KIFC2: variants seen among roughly 807,000 people sequenced by gnomAD.
KIFC2 encodes the protein kinesin family member C2, also known as kinesin-like protein KIFC2.
KIFC2 carries 94 observed loss-of-function variants against 91.5 expected under a neutral mutation model. The ratio of observed to expected loss-of-function variants is 1.03; its 90% CI spans 0.87 to 1.22. The LOEUF is 1.22. Among genes scored for constraint, KIFC2 ranks in the 50% most tolerant of loss-of-function variants. KIFC2 has a pLI of 0.00. For synonymous variants in KIFC2, 729 were observed against 503.9 expected (o/e 1.45, Z -5.98); for missense variants, 1,357 against 1,103.3 (o/e 1.23, Z -3.26).
chr8:144,468,391 AG>A lies in KIFC2; in HGVS notation c.874del (p.Ala292ProfsTer74). 1.2e-6 allele frequency: 2 copies of A among 1,612,754 alleles called. No individual in the cohort carries two copies. The highest frequency in any genetic ancestry group is 1.7e-6 in the Non-Finnish European group (2 of 1,179,828). ...TTCAGGAGGCCCAAGACACCACAGA[AG>A]CCCTCCGAGCCCAGGTGGGCATGGG... Reference protein sequence around the residue: ...RLQEAQDTTEALRAQLGVQEV... With the variant: ...RLQEAQDTTEXLRAQLGVQEV... On this transcript the variant is annotated frameshift_variant, in exon 8 of 18. Coordinates refer to ENST00000645548, the MANE Select transcript of KIFC2 (RefSeq NM_001369769.2). LOFTEE classifies it high-confidence loss of function.
Position 144,472,976 on chromosome 8 carries a change from C to G in KIFC2, c.2043C>G (p.Pro681=). The G allele has an allele frequency of 2.1e-6, 3 of 1,456,798 alleles. No individual in the cohort carries two copies. The highest frequency in any genetic ancestry group is 9.0e-7 in the Non-Finnish European group (1 of 1,112,342). 90.2% of individuals were successfully genotyped at this position (1,456,798 alleles called of 1,614,324 possible). The change falls in exon 17 of 18, where the codon CCC becomes CCG. Residue 681 remains proline (P), a synonymous_variant. Transcript: ENST00000645548. Reference sequence around the variant, plus strand: ...TGCGGGCCCACCGGCCGCACGTGCCCTTCCGCGACTCGCAGCTCACGCGAC... The same window carrying G: ...TGCGGGCCCACCGGCCGCACGTGCCGTTCCGCGACTCGCAGCTCACGCGAC... ...AALRAHRPHV[P]FRDSQLTRLL...
Position 144,473,022 on chromosome 8 carries a change from C to A in KIFC2, c.2089C>A (p.Pro697Thr). The A allele has an allele frequency of 7.1e-7, 1 of 1,417,040 alleles. No homozygotes were observed. The allele number at this position is 1,417,040 out of a possible 1,614,324, so 87.8% of individuals were successfully genotyped here. The change falls in exon 17 of 18, where the codon CCA becomes ACA. Residue 697 changes from proline (P) to threonine (T), a missense_variant. Physicochemically the swap from Pro to Thr is conservative, Grantham distance 38. Transcript: ENST00000645548. ...LTRLLQPALGPGTTAVLLLQI... is the reference protein window; with the variant it reads ...LTRLLQPALGTGTTAVLLLQI... ...GCGACTGCTGCAGCCGGCGCTGGGC[C>A]CAGGCACCACCGCGGTGCTGCTGCT...
Position 144,472,434 on chromosome 8 carries a change from GTGGC to G in KIFC2, c.1686_1689del (p.Gly563SerfsTer16). 6.2e-7 allele frequency: 1 copy of G among 1,612,750 alleles called. No individual in the cohort carries two copies. Among genetic ancestry groups the G allele is most frequent in the Non-Finnish European group, 8.5e-7 (1 of 1,179,796 alleles). On this transcript the variant is annotated frameshift_variant, in exon 15 of 18. Transcript: ENST00000645548. LOFTEE classifies it high-confidence loss of function. The stretch of plus-strand genomic sequence containing the variant: ...CCCAGAAGGCCAGGGCGGGATCCAG[GTGGC>G]TGGCCTCACCCACTGGGACGTGCCC...
chr8:144,472,417 G>A lies in KIFC2; in HGVS notation c.1664G>A (p.Gly555Asp), dbSNP rs774034048. 19 of 1,612,832 alleles carry A rather than the reference G, an allele frequency of 1.2e-5. No homozygotes were observed. The highest frequency in any genetic ancestry group is 1.5e-5 in the Non-Finnish European group (18 of 1,179,862). ...ERLAVRQGPE[G>D]QGGIQVAGLT... ...CTGGCCGTGAGGCAGGGCCCAGAAG[G>A]CCAGGGCGGGATCCAGGTGGCTGGC... Residue 555 changes from glycine to aspartate, a missense_variant, in exon 15 of 18, where the codon GGC (glycine) becomes GAC (aspartate). Gly to Asp is a moderately conservative substitution (Grantham distance 94). Transcript: ENST00000645548.
At chr8:144,466,302 G>A (rs1259711084), upstream of KIFC2, 1 of 247,146 alleles carries the variant, frequency 4.0e-6, no homozygotes, top group Non-Finnish European at 7.3e-6. Flanking sequence ...CGTGGGAGCC[G>A]GGCCGTGGGG....
At position 144,472,899 on chromosome 8, in the gene KIFC2, G is replaced by T; in HGVS notation, c.1966G>T (p.Ala656Ser). Residue 656 changes from alanine (A) to serine (S), a missense_variant, in exon 17 of 18, where the codon GCC (alanine) becomes TCC (serine). Transcript: ENST00000645548. The stretch of plus-strand genomic sequence containing the variant: ...AGACGGCGCCCGGCGCCTGCGGGAG[G>T]CCCAGACCATAAACCGCTCGCTGCT... The part of the protein sequence containing the change: ...DPDGARRLRE[A>S]QTINRSLLAL... 1 of 1,518,712 alleles carries T rather than the reference G, an allele frequency of 6.6e-7. No homozygotes were observed. Among genetic ancestry groups the T allele is most frequent in the Non-Finnish European group, 8.7e-7 (1 of 1,147,466 alleles). 94.1% of individuals were successfully genotyped at this position (1,518,712 alleles called of 1,614,324 possible).
intron 12 of KIFC2, chr8:144,470,616 T>C (rs1824887121): frequency 6.6e-6 from 1 of 152,298 alleles, no homozygotes; most frequent in Non-Finnish European, 1.5e-5. Context: ...GCAGCGACCT[T>C]CTGGGCATAA....
At chr8:144,470,141 ATG>A (rs1172315187) in intron 12 of KIFC2, among the ~76,000 whole-genome samples, 1 of 152,112 alleles carries the variant, frequency 6.6e-6, no homozygotes, top group African/African-American at 2.4e-5. Flanking sequence ...AGCTAAGGAG[ATG>A]GCAGCTCAGA....
In KIFC2 at chr8:144,472,726, A is replaced by C. The variant is rs751165148; in HGVS notation, c.1861+20A>C. On this transcript the variant is annotated intron_variant, in intron 16 of 17. Coordinates refer to ENST00000645548, the MANE Select transcript of KIFC2 (RefSeq NM_001369769.2). ...CCGCAGGTACCACGGCCGGTGCCTG[A>C]GCCCTGCGGAGTCTCCAGAGCACCC... 6.3e-7 allele frequency: 1 copy of C among 1,592,180 alleles called. No homozygotes were observed. The highest frequency in any genetic ancestry group is 1.7e-5 in the Admixed American group (1 of 59,314).
chr8:144,467,698 T>C lies in KIFC2; in HGVS notation c.616-16T>C, dbSNP rs1224119883. The C allele has an allele frequency of 6.2e-7, 1 of 1,613,354 alleles. No homozygotes were observed. Among genetic ancestry groups the C allele is most frequent in the Non-Finnish European group, 8.5e-7 (1 of 1,179,818 alleles). On this transcript the variant is annotated splice_polypyrimidine_tract_variant and intron_variant, in intron 5 of 17. Coordinates refer to ENST00000645548, the MANE Select transcript of KIFC2 (RefSeq NM_001369769.2). ...AGAAAAAGGAGGTCCACCCTGTCTC[T>C]CTTACTTCTCCCCAGCTGGAGGAGC... is the stretch of plus-strand genomic sequence containing the variant.
chr8:144,466,290 G>T, upstream of KIFC2: 1 of 231,882 alleles, frequency 4.3e-6, no homozygotes, highest in Non-Finnish European at 8.1e-6. Context: ...TCGCCTTCCA[G>T]CCGTGGGAGC....
Position 144,472,513 on chromosome 8 carries a change from G to A in KIFC2, c.1731+29G>A, listed in dbSNP as rs192613604. ...GGGCTGCACCGCTCTCCGAGACCCC[G>A]CCCCGTGCTTCCACTTGGGGGCGGG... On this transcript the variant is annotated intron_variant, in intron 15 of 17. Transcript: ENST00000645548. 3,490 of 1,611,416 alleles carry A rather than the reference G, an allele frequency of 2.2e-3. 5 individuals are homozygous for A. Among genetic ancestry groups the A allele is most frequent in the Non-Finnish European group, 2.7e-3 (3,236 of 1,179,236 alleles).
Position 144,472,390 on chromosome 8 carries a change from G to A in KIFC2, c.1637G>A (p.Arg546His). 13 of 1,613,220 alleles carry A rather than the reference G, an allele frequency of 8.1e-6. No individual in the cohort carries two copies. Among genetic ancestry groups the A allele is most frequent in the Non-Finnish European group, 9.3e-6 (11 of 1,179,912 alleles). ...RDLLAPGPPE[R>H]LAVRQGPEGQ... Reference sequence around the variant, plus strand: ...CTCCTTGCTCCAGGGCCTCCCGAGCGCCTGGCCGTGAGGCAGGGCCCAGAA... The same window carrying A: ...CTCCTTGCTCCAGGGCCTCCCGAGCACCTGGCCGTGAGGCAGGGCCCAGAA... Residue 546 changes from arginine to histidine, a missense_variant, in exon 15 of 18, where the codon CGC becomes CAC. By Grantham distance (29) the Arg-to-His change is conservative. Transcript: ENST00000645548.
At chr8:144,466,734 C>T in intron 1 of KIFC2, 26 bp from the exon 2 acceptor site, 1 of 1,504,592 alleles carries the variant, frequency 6.6e-7, no homozygotes, top group Non-Finnish European at 8.8e-7. Flanking sequence ...CCCCCCTCCT[C>T]AGGGGCGCCC....
At position 144,473,291 on chromosome 8, in the gene KIFC2, C is replaced by T. The variant is rs765415851; in HGVS notation, c.2278C>T (p.Pro760Ser). Residue 760 changes from proline to serine, a missense_variant, in exon 18 of 18, where the codon CCC becomes TCC. Pro to Ser is a moderately conservative substitution (Grantham distance 74, BLOSUM62 -1). Coordinates refer to ENST00000645548, the MANE Select transcript of KIFC2 (RefSeq NM_001369769.2). Reference sequence around the variant, plus strand: ...CACCGACACTCCGCTCACCGGGACCCCCTGCACCCCTACGCCGTCCCCTGG... The same window carrying T: ...CACCGACACTCCGCTCACCGGGACCTCCTGCACCCCTACGCCGTCCCCTGG... ...LSTDTPLTGT[P>S]CTPTPSPGSP... 14 of 1,605,974 alleles carry T rather than the reference C, an allele frequency of 8.7e-6. No individual in the cohort carries two copies. The highest frequency in any genetic ancestry group is 4.5e-5 in the East Asian group (2 of 44,484).
At position 144,466,976 on chromosome 8, in the gene KIFC2, G is replaced by A. The variant is rs760516858; in HGVS notation, c.196G>A (p.Asp66Asn). The change falls in exon 3 of 18, where the codon GAT becomes AAT. Residue 66 changes from aspartate to asparagine, a missense_variant. Asp to Asn is a conservative substitution (Grantham distance 23). Transcript: ENST00000645548. ...ACCGGCAGCCAGCTCCGAGCCTGAGGATGGGTCGGAAGGCGCAGCCGAGGG... is the reference window on the plus strand; with the variant it reads ...ACCGGCAGCCAGCTCCGAGCCTGAGAATGGGTCGGAAGGCGCAGCCGAGGG... ...TGLAASSEPE[D>N]GSEGAAEGRA... 140 of 1,596,328 alleles carry A rather than the reference G, an allele frequency of 8.8e-5. 2 individuals are homozygous for A. The highest frequency in any genetic ancestry group is 5.1e-4 in the Middle Eastern group (3 of 5,908).
In KIFC2 at chr8:144,472,397, C is replaced by T. The variant is rs745429030; in HGVS notation, c.1644C>T (p.Ala548=). 6.8e-6 allele frequency: 11 copies of T among 1,613,276 alleles called. No homozygotes were observed. In the South Asian group the frequency reaches 1.2e-4, roughly 18 times the overall value. ...LLAPGPPERL[A]VRQGPEGQGG... ...CTCCAGGGCCTCCCGAGCGCCTGGCCGTGAGGCAGGGCCCAGAAGGCCAGG... is the reference window on the plus strand; with the variant it reads ...CTCCAGGGCCTCCCGAGCGCCTGGCTGTGAGGCAGGGCCCAGAAGGCCAGG... The change falls in exon 15 of 18, where the codon GCC becomes GCT. Residue 548 remains alanine (A), a synonymous_variant. Transcript: ENST00000645548.
intron 10 of KIFC2, 134 bp from the exon 11 acceptor site, chr8:144,469,137 G>C: frequency 1.4e-6 from 1 of 738,952 alleles, no homozygotes; most frequent in Non-Finnish European, 2.3e-6. Context: ...GGGGCCCAGA[G>C]CCACTGAAAG....
In KIFC2 at chr8:144,467,009, G is replaced by C; in HGVS notation, c.229G>C (p.Ala77Pro). 6.3e-7 allele frequency: 1 copy of C among 1,596,178 alleles called. No homozygotes were observed. The highest frequency in any genetic ancestry group is 8.5e-7 in the Non-Finnish European group (1 of 1,175,108). ...GGAAGGCGCAGCCGAGGGCCGCGCG[G>C]CCGCGGTGTCCCTGGAAGAGGCCCT... ...GSEGAAEGRA[A>P]AVSLEEALLR... The change falls in exon 3 of 18, where the codon GCC (alanine) becomes CCC (proline). Residue 77 changes from alanine (A) to proline (P), a missense_variant. Physicochemically the swap from Ala to Pro is conservative, Grantham distance 27. Coordinates refer to ENST00000645548, the MANE Select transcript of KIFC2 (RefSeq NM_001369769.2).
Sources: gnomAD v4.1 joint callset for allele counts (sites outside exome capture counted in the v4.1 genomes callset) on GRCh38, gnomAD v4.1.1 for gene constraint, MANE v1.5 for transcripts, NCBI Gene and HGNC (gene_info 2026-07-23, HGNC 2026-07-21) for gene names.